PLAA: variants seen among roughly 807,000 people sequenced by gnomAD.
The protein encoded by PLAA is phospholipase A-2-activating protein.
PLAA carries 48 observed loss-of-function variants against 84.1 expected under a neutral mutation model. The ratio of observed to expected loss-of-function variants is 0.57; its 90% CI spans 0.45 to 0.73. The LOEUF is 0.73. PLAA is among the 30% of genes least tolerant of loss of function. The pLI, the probability that PLAA is intolerant of heterozygous loss-of-function variation, is 0.00. For missense variants in PLAA, 903 were observed against 954.7 expected (o/e 0.95, Z 0.71); for synonymous variants, 392 against 336.6 (o/e 1.16, Z -1.80).
At chr9:26,910,246 C>T in intron 12 of PLAA, 92 bp downstream of exon 12, 1 of 828,192 alleles carries the variant, frequency 1.2e-6, no homozygotes, top group Non-Finnish European at 2.1e-6. Context: ...TATTAAGTAC[C>T]CAATTCCTGA....
In PLAA at chr9:26,905,820, C is replaced by T. The variant is rs557564093; in HGVS notation, c.2079G>A (p.Gly693=). Residue 693 remains glycine (G), a synonymous_variant, in exon 14 of 14, where the codon GGG becomes GGA. Coordinates refer to ENST00000397292, the MANE Select transcript of PLAA (RefSeq NM_001031689.3). ...LMSHAIELKS[G]SNKNIHIALA... is the part of the protein sequence containing the mutation. ...GAGCAATGTGAATGTTCTTATTGCT[C>T]CCTGATTTCAGTTCTATTGCATGGG... 2.8e-5 allele frequency: 46 copies of T among 1,614,132 alleles called. No individual in the cohort carries two copies. In the South Asian group the frequency reaches 4.5e-4, roughly 16 times the overall value.
At chr9:26,936,292 T>C (rs1329749763) in intron 1 of PLAA, among the ~76,000 whole-genome samples, 1 of 152,030 alleles carries the variant, frequency 6.6e-6, no homozygotes, top group East Asian at 1.9e-4. Flanking sequence ...ATTTAAAGCT[T>C]ACAGAAAAGT....
At chr9:26,921,442 T>G (rs1319553936) in intron 7 of PLAA, among the ~76,000 whole-genome samples, 2 of 152,224 alleles carry the variant, frequency 1.3e-5, no homozygotes, top group Non-Finnish European at 2.9e-5. Context: ...TATATGCCAG[T>G]TCTGGCCTAG....
rs970665065 is a variant in PLAA at position 26,939,345 on chromosome 9, G to A, written c.150-4139C>T. On this transcript the variant is annotated intron_variant, in intron 1 of 13. Transcript: ENST00000397292. ...GGAGCTTGCAGTGAGCCGAGATTGCGCCACTGCACTCCAGCCTGGGCCACA... is the reference window on the plus strand; with the variant it reads ...GGAGCTTGCAGTGAGCCGAGATTGCACCACTGCACTCCAGCCTGGGCCACA... 2.4e-4 allele frequency among the ~76,000 whole-genome samples: 36 copies of A among 151,756 alleles called. 1 individual carries two copies. The highest frequency in any genetic ancestry group is 1.4e-3 in the Admixed American group (22 of 15,234).
chr9:26,923,052 TA>T (rs1824821262), intron 7 of PLAA, 125 bp downstream of exon 7: 2 of 673,458 alleles, frequency 3.0e-6, no homozygotes, highest in Non-Finnish European at 5.0e-6. Flanking sequence ...TATGTAATAG[TA>T]AAAATCCTCA....
intron 13 of PLAA, chr9:26,907,471 GTGAGCTTGCA>G (rs1824273298): frequency 1.8e-3 from 1 of 546 alleles, no homozygotes; most frequent in African/African-American, 3.9e-3. Context: ...GGAGCTTGCA[GTGAGCTTGCA>G]GTGAGCCGAG....
At chr9:26,944,673 T>C (rs543150076) in intron 1 of PLAA, among the ~76,000 whole-genome samples, 2 of 152,234 alleles carry the variant, frequency 1.3e-5, no homozygotes, top group Non-Finnish European at 2.9e-5. Context: ...CAGCCACCCA[T>C]GGGCCACAGG....
At position 26,903,436 on chromosome 9, in the gene PLAA, TA is replaced by T. The variant is rs1587142118; in HGVS notation, c.*2074del. Reference sequence around the variant, plus strand: ...CCAAATATAAGTTTAAAAATCAGGTTATCAAAGAGTATGTATGATACAACGC... The same window carrying T: ...CCAAATATAAGTTTAAAAATCAGGTTTCAAAGAGTATGTATGATACAACGC... On this transcript the variant is annotated 3_prime_UTR_variant, in exon 14 of 14. Transcript: ENST00000397292. 6.6e-6 allele frequency among the ~76,000 whole-genome samples: 1 copy of T among 152,238 alleles called. No homozygotes were observed. Among genetic ancestry groups the T allele is most frequent in the East Asian group, 1.9e-4 (1 of 5,202 alleles).
intron 2 of PLAA, among the ~76,000 whole-genome samples, chr9:26,932,727 T>A (rs1027269662): frequency 6.6e-6 from 1 of 152,208 alleles, no homozygotes; most frequent in African/African-American, 2.4e-5. Flanking sequence ...AAATAAGATA[T>A]CTCTACTTCT....
chr9:26,941,702 A>G (rs1190586832), intron 1 of PLAA, among the ~76,000 whole-genome samples: 1 of 152,152 alleles, frequency 6.6e-6, no homozygotes, highest in Non-Finnish European at 1.5e-5. Flanking sequence ...TATTGCAACC[A>G]TGAAACAAGG....
At chr9:26,919,668 GT>G in intron 8 of PLAA, 139 bp from the exon 9 acceptor site, 1 of 561,268 alleles carries the variant, frequency 1.8e-6, no homozygotes, top group Non-Finnish European at 3.1e-6. Context: ...TAAAATCTTC[GT>G]TTTTGGCAGA....
At chr9:26,916,065 C>T (rs911274008) in intron 10 of PLAA, 1 of 985,380 alleles carries the variant, frequency 1.0e-6, no homozygotes, top group Non-Finnish European at 1.2e-6. Flanking sequence ...TACTTGTTAT[C>T]AATGCACATG....
Position 26,936,063 on chromosome 9 carries a change from T to G in PLAA, c.150-857A>C, listed in dbSNP as rs555841676. Reference sequence around the variant, plus strand: ...AGAGGGATAAAAAGAATTATATCCCTGACTCAGCTAAATCAAAGAGTTTGC... The same window carrying G: ...AGAGGGATAAAAAGAATTATATCCCGGACTCAGCTAAATCAAAGAGTTTGC... On this transcript the variant is annotated intron_variant, in intron 1 of 13. Transcript: ENST00000397292. Among the ~76,000 whole-genome samples, 23 of 152,272 alleles carry G rather than the reference T, an allele frequency of 1.5e-4. No homozygotes were observed. In the South Asian group the frequency reaches 4.1e-3, roughly 27 times the overall value.
chr9:26,925,940 C>T lies in PLAA; in HGVS notation c.754G>A (p.Asp252Asn). The change falls in exon 6 of 14, where the codon GAC becomes AAC. Residue 252 changes from aspartate to asparagine, a missense_variant. Physicochemically the swap from Asp to Asn is conservative, Grantham distance 23. Transcript: ENST00000397292. The part of the protein sequence containing the change: ...NCRDFVTTAE[D>N]RSLRIWKHGE... ...TGTTTCCAGATTCTCAGAGATCTGT[C>T]CTCTGCTGTTGTCACAAAGTCTAAA... The T allele has an allele frequency of 6.2e-7, 1 of 1,613,358 alleles. No individual in the cohort carries two copies. Among genetic ancestry groups the T allele is most frequent in the East Asian group, 2.2e-5 (1 of 44,860 alleles).
intron 13 of PLAA, among the ~76,000 whole-genome samples, chr9:26,906,600 G>A (rs140438895): frequency 0.015 from 2,260 of 151,942 alleles, 19 homozygotes; most frequent in Non-Finnish European, 0.022. Context: ...GCTAATTTTT[G>A]TATTGTTAGT....
At chr9:26,922,758 C>T (rs2131386008) in intron 7 of PLAA, among the ~76,000 whole-genome samples, 1 of 151,708 alleles carries the variant, frequency 6.6e-6, no homozygotes, top group Middle Eastern at 3.4e-3. Context: ...CCTCAACCTT[C>T]TGGGCTCAAA....
intron 10 of PLAA, chr9:26,916,159 G>A (rs1824549483): frequency 1.0e-6 from 1 of 984,848 alleles, no homozygotes; most frequent in Admixed American, 6.2e-5. Context: ...TCATGATGCT[G>A]ACCTAACGTT....
chr9:26,907,771 T>G, intron 13 of PLAA, 63 bp downstream of exon 13: 13 of 1,349,516 alleles, frequency 9.6e-6, no homozygotes, highest in Non-Finnish European at 1.2e-5. Context: ...ACCAGTAATA[T>G]TGATAGAAAT....
In PLAA at chr9:26,946,921, G is replaced by C. The variant is rs1825746712; in HGVS notation, c.125C>G (p.Thr42Ser). ...CCTGTCTGGGGCCCAGAGGCGGGTG[G>C]TGCGGTCTCGGGACACGGACACAAA... is the stretch of plus-strand genomic sequence containing the variant. ...GAFVSVSRDR[T>S]TRLWAPDSPN... The change falls in exon 1 of 14, where the codon ACC (threonine) becomes AGC (serine). Residue 42 changes from threonine (T) to serine (S), a missense_variant. Thr to Ser is a moderately conservative substitution (Grantham distance 58). Transcript: ENST00000397292. The C allele has an allele frequency of 6.3e-7, 1 of 1,578,426 alleles. No individual in the cohort carries two copies. Among genetic ancestry groups the C allele is most frequent in the South Asian group, 1.2e-5 (1 of 86,452 alleles).
Sources: gnomAD v4.1 joint callset for allele counts (sites outside exome capture counted in the v4.1 genomes callset) on GRCh38, gnomAD v4.1.1 for gene constraint, MANE v1.5 for transcripts, NCBI Gene and HGNC (gene_info 2026-07-23, HGNC 2026-07-21) for gene names.